The following USP28 variants were observed in gnomAD, a reference collection of about 807,000 sequenced individuals.
USP28 encodes the protein ubiquitin carboxyl-terminal hydrolase 28.
A neutral mutation model predicts 145.0 loss-of-function variants in USP28; 113 were observed. That is an observed-to-expected ratio of 0.78 (90% confidence interval 0.67 to 0.91). USP28 has a LOEUF of 0.91. USP28 is among the 40% of genes least tolerant of loss of function. The pLI is 0.00. For missense variants in USP28, 1,201 were observed against 1,289.6 expected, an observed-to-expected ratio of 0.93 and a Z score of 1.05; for synonymous variants, 447 against 450.9, an observed-to-expected ratio of 0.99 and a Z score of 0.11.
intron 3 of USP28, among the ~76,000 whole-genome samples, chr11:113,851,234 C>CA: frequency 6.6e-6 from 1 of 152,298 alleles, no homozygotes; most frequent in South Asian, 2.1e-4. Context: ...ACACCACAGT[C>CA]AGAGTGATGG....
chr11:113,867,339 T>C (rs1456552314), intron 1 of USP28, among the ~76,000 whole-genome samples: 1 of 152,164 alleles, frequency 6.6e-6, no homozygotes, highest in East Asian at 1.9e-4. Flanking sequence ...TGATCTCCGC[T>C]CACTGCAACC....
At chr11:113,852,701 A>C in intron 2 of USP28, 68 bp from the exon 3 acceptor site, 2 of 1,557,738 alleles carry the variant, frequency 1.3e-6, no homozygotes, top group East Asian at 4.6e-5. Flanking sequence ...TTTGAGTATT[A>C]ACTTTATTAC....
chr11:113,827,362 TAG>T lies in USP28; in HGVS notation c.1060-4_1060-3del. 1 of 1,588,928 alleles carries T rather than the reference TAG, an allele frequency of 6.3e-7. No individual in the cohort carries two copies. Among genetic ancestry groups the T allele is most frequent in the African/African-American group, 1.4e-5 (1 of 73,134 alleles). On this transcript the variant is annotated splice_region_variant and splice_polypyrimidine_tract_variant and intron_variant, in intron 10 of 24. Coordinates refer to ENST00000003302, the Ensembl canonical transcript of USP28. Reference sequence around the variant, plus strand: ...TGGAGGTAGCTTTGTAAACCAACGCTAGTGTCAAGAGTAGAAATGTGAGAGAA... The same window carrying T: ...TGGAGGTAGCTTTGTAAACCAACGCTTGTCAAGAGTAGAAATGTGAGAGAA...
chr11:113,835,301 G>T (rs1591329013), intron 5 of USP28: 4 of 456,008 alleles, frequency 8.8e-6, no homozygotes, highest in East Asian at 1.4e-4. Flanking sequence ...TCTCAGGCCT[G>T]CACGGTGGAA....
At chr11:113,811,550 T>C (rs755432766) in intron 16 of USP28, among the ~76,000 whole-genome samples, 3 of 152,138 alleles carry the variant, frequency 2.0e-5, no homozygotes, top group Non-Finnish European at 4.4e-5. Flanking sequence ...CAGCTGGGCA[T>C]GGTGGTGGGC....
intron 23 of USP28, 90 bp downstream of exon 24, chr11:113,803,068 T>C: frequency 7.3e-7 from 1 of 1,367,550 alleles, no homozygotes; most frequent in Non-Finnish European, 9.7e-7. Context: ...CTGTTGGAGA[T>C]AGTCTGTTTT....
chr11:113,846,415 A>T (rs1945853954), intron 3 of USP28, among the ~76,000 whole-genome samples: 1 of 152,250 alleles, frequency 6.6e-6, no homozygotes, highest in Non-Finnish European at 1.5e-5. Flanking sequence ...AGCCAGTCAC[A>T]AAAAGACAAA....
intron 12 of USP28, 80 bp downstream of exon 12, chr11:113,823,520 CGTTGA>C: frequency 4.7e-6 from 5 of 1,064,412 alleles, no homozygotes; most frequent in South Asian, 1.6e-5. Flanking sequence ...AATATTTAAA[CGTTGA>C]GTTAATTTTT....
At chr11:113,857,961 G>A (rs1013559656) in intron 1 of USP28, among the ~76,000 whole-genome samples, 2 of 152,042 alleles carry the variant, frequency 1.3e-5, no homozygotes, top group African/African-American at 4.8e-5. Context: ...GGCATCCCAG[G>A]CTCAGGTGAC....
chr11:113,870,539 G>A (rs955917156), intron 1 of USP28, among the ~76,000 whole-genome samples: 1 of 152,186 alleles, frequency 6.6e-6, no homozygotes, highest in Non-Finnish European at 1.5e-5. Context: ...GGCAAAGTAG[G>A]CTGCTGAGCA....
chr11:113,867,961 C>T (rs568683560), intron 1 of USP28, among the ~76,000 whole-genome samples: 37 of 152,292 alleles, frequency 2.4e-4, no homozygotes, highest in African/African-American at 8.2e-4. Flanking sequence ...CATCATGTAG[C>T]ATGCAGCTGG....
intron 1 of USP28, among the ~76,000 whole-genome samples, chr11:113,870,474 C>T (rs1173979604): frequency 6.6e-6 from 1 of 152,240 alleles, no homozygotes; most frequent in Non-Finnish European, 1.5e-5. Context: ...CCAAAGTGAG[C>T]TATAATCACA....
At chr11:113,826,732 C>T (rs1376424763) in intron 11 of USP28, among the ~76,000 whole-genome samples, 1 of 151,808 alleles carries the variant, frequency 6.6e-6, no homozygotes, top group South Asian at 2.1e-4. Flanking sequence ...CCAGCCTGAC[C>T]AACATGGAGA....
intron 11 of USP28, among the ~76,000 whole-genome samples, chr11:113,824,092 A>G (rs1943019378): frequency 6.6e-6 from 1 of 152,176 alleles, no homozygotes; most frequent in South Asian, 2.1e-4. Context: ...AAGGATACAA[A>G]ATCAATTTAA....
chr11:113,806,132 TCTCA>T (rs1242456986), intron 19 of USP28, among the ~76,000 whole-genome samples: 3 of 150,462 alleles, frequency 2.0e-5, no homozygotes, highest in African/African-American at 7.3e-5. Context: ...GAGATGGGGG[TCTCA>T]CTATGTTGAC....
chr11:113,820,410 A>T (rs765656209), intron 12 of USP28: 1 of 152,232 alleles, frequency 6.6e-6, no homozygotes, highest in East Asian at 1.9e-4. Flanking sequence ...ATAATTTATT[A>T]TCAAACCAGG....
intron 23 of USP28, 129 bp downstream of exon 24, chr11:113,803,029 C>T (rs1250368227): frequency 9.2e-7 from 1 of 1,085,722 alleles, no homozygotes; most frequent in Non-Finnish European, 1.3e-6. Flanking sequence ...TAAAACTGTT[C>T]ATGAGAATTT....
chr11:113,854,145 CT>C (rs1300975151), intron 2 of USP28, 112 bp downstream of exon 2: 1 of 930,568 alleles, frequency 1.1e-6, no homozygotes, highest in Non-Finnish European at 1.6e-6. Flanking sequence ...ACCTGTAGAG[CT>C]TCTGTCCCTA....
chr11:113,821,067 G>C (rs868758606), intron 12 of USP28: 1 of 238,346 alleles, frequency 4.2e-6, no homozygotes, highest in Middle Eastern at 5.5e-4. Context: ...AGGGGGATAT[G>C]GGAGTTGTCA....
Sources: allele counts gnomAD v4.1 joint callset (sites outside exome capture counted in the v4.1 genomes callset), GRCh38; gene constraint gnomAD v4.1.1; transcripts MANE v1.5; gene names NCBI Gene and HGNC (gene_info 2026-07-23, HGNC 2026-07-21).